The following UCHL3 variants were observed in gnomAD, a reference collection of about 807,000 sequenced individuals.
The protein encoded by UCHL3 is ubiquitin carboxyl-terminal hydrolase isozyme L3.
A neutral mutation model predicts 35.8 loss-of-function variants in UCHL3; 22 were observed. The ratio of observed to expected loss-of-function variants is 0.61; its 90% CI spans 0.44 to 0.88. UCHL3 has a LOEUF of 0.88. Ranked by LOEUF, UCHL3 falls within the 40% of genes least tolerant of loss-of-function variation. The pLI is 0.00. For synonymous variants in UCHL3, 90 were observed against 92.8 expected, an observed-to-expected ratio of 0.97 and a Z score of 0.17; for missense variants, 229 against 276.9, an observed-to-expected ratio of 0.83 and a Z score of 1.23.
At chr13:75,555,151 C>A (rs762850661) in intron 2 of UCHL3, among the ~76,000 whole-genome samples, 17 of 152,178 alleles carry the variant, frequency 1.1e-4, no homozygotes, top group Admixed American at 2.6e-4. Flanking sequence ...GCTTCAGAGT[C>A]TTTGCACTTG....
At chr13:75,558,560 A>C (rs149339495) in intron 2 of UCHL3, among the ~76,000 whole-genome samples, 22 of 152,330 alleles carry the variant, frequency 1.4e-4, no homozygotes, top group Admixed American at 1.4e-3. Context: ...GGTTCATGAT[A>C]CTTTTCCTTA....
intron 2 of UCHL3, among the ~76,000 whole-genome samples, chr13:75,551,639 C>T (rs957088725): frequency 1.3e-5 from 2 of 152,102 alleles, no homozygotes; most frequent in African/African-American, 4.8e-5. Flanking sequence ...CCTGGTGTTG[C>T]AAAGCTGGTT....
At chr13:75,603,365 T>C (rs1019783710) in intron 7 of UCHL3, among the ~76,000 whole-genome samples, 5 of 152,120 alleles carry the variant, frequency 3.3e-5, no homozygotes, top group Non-Finnish European at 1.5e-5. Context: ...TGCTGTTGCA[T>C]GTGCCTGCAG....
In UCHL3 at chr13:75,576,260, C is replaced by T. The variant is rs144646481; in HGVS notation, c.474+6753C>T. The stretch of plus-strand genomic sequence containing the variant: ...TTATTATTTTTCTGATGTGAAGTCT[C>T]GCTCTGTCTCCCAGGCTGGAGTGTA... On this transcript the variant is annotated intron_variant, in intron 6 of 8. Coordinates refer to ENST00000377595, the MANE Select transcript of UCHL3 (RefSeq NM_006002.5). Among the ~76,000 whole-genome samples the T allele has an allele frequency of 3.9e-3, 583 of 151,236 alleles. 1 individual carries two copies. The highest frequency in any genetic ancestry group is 0.012 in the South Asian group (56 of 4,792).
intron 7 of UCHL3, among the ~76,000 whole-genome samples, chr13:75,602,163 TTTC>T (rs2032797748): frequency 6.6e-6 from 1 of 152,126 alleles, no homozygotes; most frequent in South Asian, 2.1e-4. Context: ...ACAGTTTTTA[TTTC>T]TGTATAGTCT....
chr13:75,582,697 A>G (rs566612262), intron 6 of UCHL3, among the ~76,000 whole-genome samples: 1 of 152,368 alleles, frequency 6.6e-6, no homozygotes, highest in African/African-American at 2.4e-5. Context: ...TTAGCCATCT[A>G]GCTCAAGATT....
In UCHL3 at chr13:75,549,819, C is replaced by T. The variant is rs138830150; in HGVS notation, c.-2C>T. 2.5e-3 allele frequency: 3,993 copies of T among 1,579,086 alleles called. 98 individuals carry two copies. In the African/African-American group the frequency reaches 0.047, roughly 18 times the overall value. On this transcript the variant is annotated 5_prime_UTR_variant, in exon 1 of 9. Transcript: ENST00000377595. ...AGAGCTGGAGGGCCGGGCACCGCGG[C>T]CATGGAGGGTCAACGCTGGCTGCCG...
At chr13:75,575,940 CGG>C (rs1015112797) in intron 6 of UCHL3, among the ~76,000 whole-genome samples, 18 of 151,486 alleles carry the variant, frequency 1.2e-4, no homozygotes, top group African/African-American at 4.1e-4. Context: ...TTAGTAGAGA[CGG>C]GGTTTTGCCA....
chr13:75,579,297 C>A (rs1392283694), intron 6 of UCHL3, among the ~76,000 whole-genome samples: 1 of 152,036 alleles, frequency 6.6e-6, no homozygotes, highest in African/African-American at 2.4e-5. Flanking sequence ...GATGTAGAGT[C>A]CAGTTTTGTC....
In UCHL3 at chr13:75,567,315, C is replaced by G. The variant is rs992442169; in HGVS notation, c.426+3C>G. ...CCAGATACCTGGAGAACTATGATGT[C>G]GGTACCTTCTTTCCGTTTTGATCTC... On this transcript the variant is annotated splice_donor_region_variant and intron_variant, in intron 5 of 8. Transcript: ENST00000377595. 8 of 1,613,664 alleles carry G rather than the reference C, an allele frequency of 5.0e-6. No homozygotes were observed. Among genetic ancestry groups the G allele is most frequent in the Non-Finnish European group, 6.8e-6 (8 of 1,179,724 alleles).
chr13:75,598,273 G>T (rs1593766768), intron 7 of UCHL3, among the ~76,000 whole-genome samples: 2 of 152,304 alleles, frequency 1.3e-5, no homozygotes, highest in Admixed American at 6.5e-5. Context: ...TTGAAGACAT[G>T]ATGCCCCATT....
chr13:75,578,856 G>A (rs942745422), intron 6 of UCHL3, among the ~76,000 whole-genome samples: 15 of 151,996 alleles, frequency 9.9e-5, no homozygotes, highest in Admixed American at 9.2e-4. Context: ...AAAGATACAT[G>A]TGTGTGTTTG....
At chr13:75,549,576 C>T (rs1430868824), upstream of UCHL3, 1 of 459,506 alleles carries the variant, frequency 2.2e-6, no homozygotes, top group South Asian at 5.1e-5. Flanking sequence ...GTTTTTCTCC[C>T]GAAATAGGAA....
chr13:75,571,192 G>A (rs934614588), intron 6 of UCHL3, among the ~76,000 whole-genome samples: 3 of 152,146 alleles, frequency 2.0e-5, no homozygotes, highest in Non-Finnish European at 4.4e-5. Context: ...TATGAAGACA[G>A]TTACTTGTAA....
chr13:75,561,008 G>A (rs2138471434), intron 3 of UCHL3, 127 bp downstream of exon 3: 1 of 845,912 alleles, frequency 1.2e-6, no homozygotes, highest in Non-Finnish European at 1.7e-6. Flanking sequence ...ATGGCTTACT[G>A]CAGTCTCAAC....
intron 7 of UCHL3, among the ~76,000 whole-genome samples, chr13:75,602,344 C>CA (rs1383210105): frequency 6.6e-6 from 1 of 152,022 alleles, no homozygotes; most frequent in African/African-American, 2.4e-5. Flanking sequence ...TCACACTATG[C>CA]AAAAAACAAG....
At chr13:75,595,249 C>G (rs1461393668) in intron 7 of UCHL3, among the ~76,000 whole-genome samples, 2 of 152,140 alleles carry the variant, frequency 1.3e-5, no homozygotes, top group African/African-American at 4.8e-5. Context: ...AAAACCATTA[C>G]AGGGAACTGC....
intron 6 of UCHL3, among the ~76,000 whole-genome samples, chr13:75,579,638 T>C (rs2032124603): frequency 6.6e-6 from 1 of 152,102 alleles, no homozygotes; most frequent in Non-Finnish European, 1.5e-5. Context: ...AGATATTAAA[T>C]TATTACTTAT....
At chr13:75,574,429 G>T (rs943572817) in intron 6 of UCHL3, among the ~76,000 whole-genome samples, 1 of 151,978 alleles carries the variant, frequency 6.6e-6, no homozygotes, top group East Asian at 1.9e-4. Flanking sequence ...TGTCTTGTTC[G>T]CTTTGAATCC....
Sources: allele counts gnomAD v4.1 joint callset (sites outside exome capture counted in the v4.1 genomes callset), GRCh38; gene constraint gnomAD v4.1.1; transcripts MANE v1.5; gene names NCBI Gene and HGNC (gene_info 2026-07-23, HGNC 2026-07-21).